The following TGM2 variants were observed in gnomAD, a reference collection of about 807,000 sequenced individuals.
TGM2 encodes the protein transglutaminase 2.
TGM2 carries 53 observed loss-of-function variants against 75.6 expected under a neutral mutation model. The observed-to-expected ratio is 0.70, with a 90% CI of 0.56 to 0.88. The LOEUF is 0.88. Among genes scored for constraint, TGM2 ranks in the 40% least tolerant of loss-of-function variants. The probability of loss-of-function intolerance (pLI) is 0.00; values close to 1 mark genes in which losing one functional copy is unlikely to be tolerated. For synonymous variants in TGM2, 374 were observed against 381.1 expected (o/e 0.98, Z 0.22); for missense variants, 842 against 928.5 (o/e 0.91, Z 1.21).
chr20:38,165,398 G>A (rs1380343792), upstream of TGM2: 2 of 716,880 alleles, frequency 2.8e-6, no homozygotes, highest in Non-Finnish European at 4.5e-6. Flanking sequence ...CCAGCGCTGG[G>A]GCTCACCCAG....
Position 38,147,979 on chromosome 20 carries a change from G to A in TGM2, c.663C>T (p.Gly221=). 2 of 1,612,362 alleles carry A rather than the reference G, an allele frequency of 1.2e-6. No homozygotes were observed. The highest frequency in any genetic ancestry group is 1.7e-6 in the Non-Finnish European group (2 of 1,179,654). The change falls in exon 5 of 13, where the codon GGC becomes GGT. Residue 221 remains glycine, a synonymous_variant. Coordinates refer to ENST00000361475, the MANE Select transcript of TGM2 (RefSeq NM_004613.4). The part of the protein sequence containing the change: ...CSRRSSPVYV[G]RVVSGMVNCN... ...CACTCACCATGCCACTCACCACCCG[G>A]CCCACGTAGACGGGGCTGCTGCGGC...
At chr20:38,163,075 C>A (rs1273182432) in intron 1 of TGM2, among the ~76,000 whole-genome samples, 1 of 152,090 alleles carries the variant, frequency 6.6e-6, no homozygotes, top group Admixed American at 6.6e-5. Context: ...ACGGCCCAGC[C>A]CAGGACAGAA....
In TGM2 at chr20:38,141,368, AC is replaced by A. The variant is rs751410998; in HGVS notation, c.1012del (p.Val338TrpfsTer5). On this transcript the variant is annotated frameshift_variant, in exon 8 of 13. Transcript: ENST00000361475. LOFTEE classifies it high-confidence loss of function. The part of the protein sequence containing the change: ...SEMIWNFHCW[V>X]ESWMTRPDLQ... Reference sequence around the variant, plus strand: ...GTCCGGCCTGGTCATCCACGACTCCACCCAGCAGTGGAAGTTCCTGAGGGGG... The same window carrying A: ...GTCCGGCCTGGTCATCCACGACTCCACCAGCAGTGGAAGTTCCTGAGGGGG... The A allele has an allele frequency of 6.3e-7, 1 of 1,584,074 alleles. No homozygotes were observed. Among genetic ancestry groups the A allele is most frequent in the Non-Finnish European group, 8.6e-7 (1 of 1,164,758 alleles).
At chr20:38,147,655 AAC>A (rs2075061693) in intron 5 of TGM2, among the ~76,000 whole-genome samples, 1 of 151,632 alleles carries the variant, frequency 6.6e-6, no homozygotes, top group Non-Finnish European at 1.5e-5. Context: ...TCCCCTCTAT[AAC>A]ACAGTCTCCA....
rs761468251 is a variant in TGM2 at position 38,155,986 on chromosome 20, G to T, written c.294C>A (p.Cys98Ter). 6.2e-7 allele frequency: 1 copy of T among 1,613,502 alleles called. No homozygotes were observed. Reference sequence around the variant, plus strand: ...GGGTGGTGAGCTGCAGCGAGAGGGTGCAGTCTTGCTGGTCCACCACGGTGG... The same window carrying T: ...GGGTGGTGAGCTGCAGCGAGAGGGTTCAGTCTTGCTGGTCCACCACGGTGG... ...WTATVVDQQD[C>*]TLSLQLTTPA... Residue 98 changes from cysteine to a stop codon, truncating the protein, a stop_gained, in exon 3 of 13, where the codon TGC becomes TGA. Coordinates refer to ENST00000361475, the MANE Select transcript of TGM2 (RefSeq NM_004613.4). LOFTEE classifies it high-confidence loss of function.
At chr20:38,134,107 A>G (rs1337523306) in intron 10 of TGM2, among the ~76,000 whole-genome samples, 1 of 152,184 alleles carries the variant, frequency 6.6e-6, no homozygotes, top group Non-Finnish European at 1.5e-5. Context: ...GGAGGTCACC[A>G]GAAGGACGGA....
At chr20:38,153,528 A>AAAAAAAAAAAAGAAAGAAAAG (rs56670550) in intron 3 of TGM2, among the ~76,000 whole-genome samples, 1 of 125,254 alleles carries the variant, frequency 8.0e-6, no homozygotes, top group African/African-American at 3.4e-5. Context: ...TGGTCTCAAA[A>AAAAAAAAAAAAGAAAGAAAAG]AAAAGAAAAA....
Position 38,165,128 on chromosome 20 carries a change from G to A in TGM2, c.10+61C>T. 5 of 1,613,214 alleles carry A rather than the reference G, an allele frequency of 3.1e-6. No homozygotes were observed. The South Asian group carries it at 4.4e-5, about 14-fold the overall frequency. ...GGACTTAGGGATTCAGCTCCCACCGGGTCCTGACCCCCAATGCCCCGGGGC... is the reference window on the plus strand; with the variant it reads ...GGACTTAGGGATTCAGCTCCCACCGAGTCCTGACCCCCAATGCCCCGGGGC... On this transcript the variant is annotated intron_variant, in intron 1 of 12. Transcript: ENST00000361475.
At chr20:38,149,950 T>C (rs1427182748) in intron 4 of TGM2, among the ~76,000 whole-genome samples, 1 of 152,202 alleles carries the variant, frequency 6.6e-6, no homozygotes, top group African/African-American at 2.4e-5. Context: ...GATTTCCCTA[T>C]GGTTTCAGGG....
intron 3 of TGM2, among the ~76,000 whole-genome samples, chr20:38,152,636 G>A (rs1195246871): frequency 6.6e-6 from 1 of 152,158 alleles, no homozygotes; most frequent in Non-Finnish European, 1.5e-5. Context: ...ACTGGCACTC[G>A]ATCATATTGG....
intron 1 of TGM2, 88 bp downstream of exon 1, chr20:38,165,101 C>A (rs1240827982): frequency 6.2e-6 from 10 of 1,603,134 alleles, no homozygotes; most frequent in Non-Finnish European, 6.0e-6. Context: ...CTCTCCAAAT[C>A]AGGACTTAGG....
intron 2 of TGM2, among the ~76,000 whole-genome samples, chr20:38,159,056 T>C (rs1407685007): frequency 6.6e-6 from 1 of 152,048 alleles, no homozygotes. Flanking sequence ...TTGAGATAAG[T>C]TGGTGGAGAC....
In TGM2 at chr20:38,130,032, G is replaced by A; in HGVS notation, c.*187C>T. On this transcript the variant is annotated 3_prime_UTR_variant, in exon 13 of 13. Transcript: ENST00000361475. ...GAGCATTCCTCACAGCAAAGGGGGT[G>A]AGTGGGGACCCACAGGCTCAGGAGG... 1.4e-6 allele frequency: 1 copy of A among 714,382 alleles called. No homozygotes were observed. Among genetic ancestry groups the A allele is most frequent in the East Asian group, 2.7e-5 (1 of 36,766 alleles). The allele number at this position is 714,382 out of a possible 1,614,324, so 44.3% of individuals were successfully genotyped here.
intron 10 of TGM2, among the ~76,000 whole-genome samples, chr20:38,134,320 C>T (rs1286967939): frequency 6.6e-6 from 1 of 152,172 alleles, no homozygotes; most frequent in Non-Finnish European, 1.5e-5. Flanking sequence ...GGGAAGAAAA[C>T]CAAACTTTTG....
chr20:38,163,748 G>A (rs2075280728), intron 1 of TGM2, among the ~76,000 whole-genome samples: 1 of 152,200 alleles, frequency 6.6e-6, no homozygotes, highest in Non-Finnish European at 1.5e-5. Flanking sequence ...TGGCCAGAAG[G>A]AAAAACTTCC....
rs1221647452 is a variant in TGM2 at position 38,164,787 on chromosome 20, C to T, written c.10+402G>A. ...CCAGGCTTGGCTTGCACACCACCGG[C>T]GTGGCATGCACACCACCTGGTCCTG... On this transcript the variant is annotated intron_variant, in intron 1 of 12. Transcript: ENST00000361475. Among the ~76,000 whole-genome samples, 6 of 152,220 alleles carry T rather than the reference C, an allele frequency of 3.9e-5. No homozygotes were observed. The South Asian group carries it at 8.3e-4, about 21-fold the overall frequency.
intron 1 of TGM2, among the ~76,000 whole-genome samples, chr20:38,162,841 G>T (rs937415245): frequency 3.3e-5 from 5 of 152,172 alleles, no homozygotes; most frequent in African/African-American, 1.2e-4. Flanking sequence ...TGAGGACATA[G>T]GAATTTATTA....
At position 38,146,841 on chromosome 20, in the gene TGM2, G is replaced by C. The variant is rs549631360; in HGVS notation, c.735C>G (p.Tyr245Ter). The C allele has an allele frequency of 1.5e-5, 24 of 1,613,988 alleles. No homozygotes were observed. The highest frequency in any genetic ancestry group is 1.9e-5 in the Non-Finnish European group (23 of 1,180,040). The change falls in exon 6 of 13, where the codon TAC becomes TAG. Residue 245 changes from tyrosine to a stop codon, truncating the protein, a stop_gained. Coordinates refer to ENST00000361475, the MANE Select transcript of TGM2 (RefSeq NM_004613.4). LOFTEE classifies it high-confidence loss of function. ...GVLLGRWDNN[Y>*]GDGVSPMSWI... ...AGGACATGGGGCTGACGCCGTCCCC[G>C]TAGTTGTTGTCCCAGCGTCCCAGCA...
intron 10 of TGM2, chr20:38,133,154 A>G: frequency 3.3e-6 from 1 of 301,086 alleles, no homozygotes. Context: ...GTCCAACAAT[A>G]TGGTCCACAC....
Sources: allele counts gnomAD v4.1 joint callset (sites outside exome capture counted in the v4.1 genomes callset), GRCh38; gene constraint gnomAD v4.1.1; transcripts MANE v1.5; gene names NCBI Gene and HGNC (gene_info 2026-07-23, HGNC 2026-07-21).